ARMH3: variants seen among roughly 807,000 people sequenced by gnomAD.
ARMH3 encodes the protein armadillo like helical domain containing 3.
In ARMH3, 60 loss-of-function variants were observed where a neutral mutation model predicts 99.1. That is an observed-to-expected ratio of 0.61 (90% confidence interval 0.49 to 0.75). ARMH3 has a LOEUF of 0.75. ARMH3 is among the 30% of genes least tolerant of loss of function. The probability of loss-of-function intolerance (pLI) is 0.00; values close to 1 mark genes in which losing one functional copy is unlikely to be tolerated. For missense variants in ARMH3, 679 were observed against 843.1 expected (o/e 0.81, Z 2.41); for synonymous variants, 285 against 292.8 (o/e 0.97, Z 0.27).
At chr10:101,854,843 G>A (rs1394896605) in intron 24 of ARMH3, among the ~76,000 whole-genome samples, 2 of 151,826 alleles carry the variant, frequency 1.3e-5, no homozygotes, top group African/African-American at 2.4e-5. Flanking sequence ...AGGCTGATGT[G>A]AGGATAACAT....
At chr10:101,882,532 C>T (rs1050132905) in intron 24 of ARMH3, among the ~76,000 whole-genome samples, 1 of 152,204 alleles carries the variant, frequency 6.6e-6, no homozygotes, top group Non-Finnish European at 1.5e-5. Context: ...TGGAGTCTTG[C>T]TCTGTCGCCC....
Position 101,869,012 on chromosome 10 carries a change from CAGTG to C in ARMH3, c.1861-19124_1861-19121del, listed in dbSNP as rs1389634004. Among the ~76,000 whole-genome samples, 8 of 148,632 alleles carry C rather than the reference CAGTG, an allele frequency of 5.4e-5. No homozygotes were observed. The East Asian group carries it at 1.6e-3, about 29-fold the overall frequency. The stretch of plus-strand genomic sequence containing the variant: ...GTTTGAACCCGGGAGGCAGAGGTTG[CAGTG>C]AGCCAAAATTGTGCCACTGCACTCC... On this transcript the variant is annotated intron_variant, in intron 24 of 25. Transcript: ENST00000370033.
chr10:102,040,601 T>C (rs558830748), intron 1 of ARMH3, among the ~76,000 whole-genome samples: 2 of 152,288 alleles, frequency 1.3e-5, no homozygotes, highest in Admixed American at 1.3e-4. Flanking sequence ...GACTAGGTAA[T>C]GTCAAGGTTT....
intron 1 of ARMH3, 122 bp from the exon 2 acceptor site, chr10:102,040,247 T>A (rs1023077383): frequency 1.8e-5 from 14 of 789,910 alleles, no homozygotes; most frequent in Non-Finnish European, 2.7e-5. Context: ...TGAATCCTAA[T>A]GTAAACTGTG....
At chr10:101,982,627 T>C (rs1212033329) in intron 19 of ARMH3, among the ~76,000 whole-genome samples, 4 of 152,172 alleles carry the variant, frequency 2.6e-5, no homozygotes, top group African/African-American at 4.8e-5. Flanking sequence ...CTGCTGCCCA[T>C]GGTCTGCATT....
intron 23 of ARMH3, among the ~76,000 whole-genome samples, chr10:101,906,456 G>A (rs1338383675): frequency 6.6e-6 from 1 of 152,122 alleles, no homozygotes; most frequent in Non-Finnish European, 1.5e-5. Flanking sequence ...AAAGTCTGAA[G>A]GCAAAAAGAA....
intron 22 of ARMH3, among the ~76,000 whole-genome samples, chr10:101,943,362 G>C (rs922331894): frequency 3.3e-5 from 5 of 152,208 alleles, no homozygotes; most frequent in Admixed American, 1.3e-4. Flanking sequence ...GTTTCCACCA[G>C]CAAGAGTGGA....
chr10:101,997,939 C>A (rs1169899686), intron 15 of ARMH3, among the ~76,000 whole-genome samples: 1 of 152,050 alleles, frequency 6.6e-6, no homozygotes, highest in Non-Finnish European at 1.5e-5. Context: ...AGGCATGCAG[C>A]AGGGGCTGAG....
chr10:101,960,234 T>TGACA (rs1309500181), intron 20 of ARMH3, among the ~76,000 whole-genome samples: 2 of 152,174 alleles, frequency 1.3e-5, no homozygotes, highest in Non-Finnish European at 2.9e-5. Context: ...ATGAAGCCTC[T>TGACA]GACATCACAG....
At chr10:102,005,460 T>TAA (rs2066461875) in intron 14 of ARMH3, among the ~76,000 whole-genome samples, 1 of 151,306 alleles carries the variant, frequency 6.6e-6, no homozygotes, top group African/African-American at 2.4e-5. Flanking sequence ...ACCATATATA[T>TAA]AACTAACAAT....
At chr10:101,977,068 T>C (rs934693346) in intron 19 of ARMH3, among the ~76,000 whole-genome samples, 2 of 152,226 alleles carry the variant, frequency 1.3e-5, no homozygotes, top group Non-Finnish European at 2.9e-5. Context: ...TTGTCAGTTG[T>C]GCTAACCACC....
chr10:101,899,066 T>C (rs1357677267), intron 23 of ARMH3, among the ~76,000 whole-genome samples: 1 of 152,228 alleles, frequency 6.6e-6, no homozygotes, highest in African/African-American at 2.4e-5. Flanking sequence ...TGAAAAAATC[T>C]GGATTCCTCC....
At chr10:101,944,281 G>GAA (rs1844405357) in intron 22 of ARMH3, among the ~76,000 whole-genome samples, 1 of 28,724 alleles carries the variant, frequency 3.5e-5, no homozygotes, top group Non-Finnish European at 5.6e-5. Flanking sequence ...TATAGAGAGA[G>GAA]AGAGAGAGAG....
At chr10:101,873,288 T>G (rs2067178524) in intron 24 of ARMH3, among the ~76,000 whole-genome samples, 1 of 151,296 alleles carries the variant, frequency 6.6e-6, no homozygotes, top group African/African-American at 2.4e-5. Context: ...AGTGTGCACC[T>G]GTAATCCCAA....
At chr10:101,993,288 A>G (rs1244566438) in intron 17 of ARMH3, among the ~76,000 whole-genome samples, 1 of 31,832 alleles carries the variant, frequency 3.1e-5, no homozygotes, top group Non-Finnish European at 8.8e-5. Context: ...CAAAAAAAGA[A>G]AAAAAAAAAA....
At chr10:101,952,602 T>A (rs558107524) in intron 22 of ARMH3, 12 of 152,258 alleles carry the variant, frequency 7.9e-5, no homozygotes, top group African/African-American at 2.9e-4. Flanking sequence ...ACCACTTTTT[T>A]AAAAAAGACT....
intron 20 of ARMH3, among the ~76,000 whole-genome samples, chr10:101,961,587 C>G (rs960493384): frequency 1.3e-5 from 2 of 152,150 alleles, no homozygotes; most frequent in African/African-American, 4.8e-5. Flanking sequence ...AGAAAATGCC[C>G]TGTGTCAGGA....
chr10:101,980,906 G>A (rs1283520901), intron 19 of ARMH3, among the ~76,000 whole-genome samples: 1 of 152,100 alleles, frequency 6.6e-6, no homozygotes. Flanking sequence ...CATGTCCTTT[G>A]CAGCGACATG....
chr10:102,054,873 G>A (rs2067799599), intron 1 of ARMH3, among the ~76,000 whole-genome samples: 1 of 151,752 alleles, frequency 6.6e-6, no homozygotes, highest in African/African-American at 2.4e-5. Context: ...GCTCACGTCT[G>A]TAATCCCAGC....
Sources: gnomAD v4.1 joint callset for allele counts (sites outside exome capture counted in the v4.1 genomes callset) on GRCh38, gnomAD v4.1.1 for gene constraint, MANE v1.5 for transcripts, NCBI Gene and HGNC (gene_info 2026-07-23, HGNC 2026-07-21) for gene names.